The following TRPS1 variants were observed in gnomAD, a reference collection of about 807,000 sequenced individuals.
TRPS1 encodes transcriptional repressor GATA binding 1.
A neutral mutation model predicts 101.2 loss-of-function variants in TRPS1; 6 were observed. The ratio of observed to expected loss-of-function variants is 0.06; its 90% CI spans 0.03 to 0.12. TRPS1 has a LOEUF of 0.12. Among genes scored for constraint, TRPS1 ranks in the 10% least tolerant of loss-of-function variants. The pLI is 1.00. For missense variants in TRPS1, 1,363 were observed against 1,567.0 expected, an observed-to-expected ratio of 0.87 and a Z score of 2.20; for synonymous variants, 578 against 589.8, an observed-to-expected ratio of 0.98 and a Z score of 0.29.
At chr8:115,533,434 C>G (rs1323737282) in intron 5 of TRPS1, among the ~76,000 whole-genome samples, 1 of 32,348 alleles carries the variant, frequency 3.1e-5, no homozygotes, top group East Asian at 2.1e-3. Flanking sequence ...CACATGTAAT[C>G]TGTTTTTTTT....
chr8:115,507,148 A>G (rs1402148957), intron 5 of TRPS1, among the ~76,000 whole-genome samples: 2 of 152,086 alleles, frequency 1.3e-5, no homozygotes, highest in Non-Finnish European at 2.9e-5. Context: ...TCCAAGGTTG[A>G]GCTAAAGAAT....
chr8:115,439,802 T>C (rs540680759), intron 5 of TRPS1, among the ~76,000 whole-genome samples: 4 of 152,318 alleles, frequency 2.6e-5, no homozygotes, highest in African/African-American at 7.2e-5. Context: ...AGAAAATGAA[T>C]TGAATCAACA....
intron 6 of TRPS1, among the ~76,000 whole-genome samples, chr8:115,416,106 G>C (rs1812912956): frequency 6.6e-6 from 1 of 151,898 alleles, no homozygotes; most frequent in African/African-American, 2.4e-5. Context: ...CTAAATTCAT[G>C]TGTAGCTTTG....
At chr8:115,634,621 T>A (rs942446002) in intron 1 of TRPS1, among the ~76,000 whole-genome samples, 1 of 152,178 alleles carries the variant, frequency 6.6e-6, no homozygotes, top group Non-Finnish European at 1.5e-5. Flanking sequence ...CTGCTAAAGA[T>A]AACTTGTTTA....
At chr8:115,651,704 G>A (rs1444365351) in intron 1 of TRPS1, among the ~76,000 whole-genome samples, 1 of 152,190 alleles carries the variant, frequency 6.6e-6, no homozygotes, top group Non-Finnish European at 1.5e-5. Context: ...CGGAGGTAGA[G>A]CGTTTCAGGA....
intron 5 of TRPS1, among the ~76,000 whole-genome samples, chr8:115,555,868 C>CAAAA (rs11352416): frequency 6.7e-6 from 1 of 148,830 alleles, no homozygotes; most frequent in African/African-American, 2.5e-5. Flanking sequence ...AACAAACAAA[C>CAAAA]AAAAAAAAAA....
chr8:115,617,006 TGCAGC>T (rs1293174194), intron 3 of TRPS1, among the ~76,000 whole-genome samples: 2 of 152,214 alleles, frequency 1.3e-5, no homozygotes, highest in African/African-American at 2.4e-5. Context: ...GACATTTTTC[TGCAGC>T]AGTATCTGGC....
Position 115,668,718 on chromosome 8 carries a change from AGAGAG to A in TRPS1, c.-300_-296del, listed in dbSNP as rs1811996462. 1 of 13,786 alleles carries A rather than the reference AGAGAG, an allele frequency of 7.3e-5. No homozygotes were observed. 0.9% of individuals were successfully genotyped at this position (13,786 alleles called of 1,614,324 possible). On this transcript the variant is annotated 5_prime_UTR_variant, in exon 1 of 7. Transcript: ENST00000395715. Reference sequence around the variant, plus strand: ...TTCCCTCCCCCACCCTTATTAAAAAAGAGAGAGAGAGAGAGAGAGAGAGAAAGAGA... The same window carrying A: ...TTCCCTCCCCCACCCTTATTAAAAAAAGAGAGAGAGAGAGAGAGAAAGAGA...
intron 1 of TRPS1, among the ~76,000 whole-genome samples, chr8:115,635,063 C>G (rs1818737152): frequency 6.6e-6 from 1 of 152,118 alleles, no homozygotes; most frequent in South Asian, 2.1e-4. Flanking sequence ...GAAAAAACCA[C>G]ATGAAATACT....
intron 5 of TRPS1, among the ~76,000 whole-genome samples, chr8:115,504,271 A>G (rs1245438581): frequency 2.0e-5 from 3 of 152,190 alleles, no homozygotes; most frequent in African/African-American, 7.2e-5. Flanking sequence ...ACTAGGCACA[A>G]TGAGTCCAGA....
chr8:115,532,949 A>G (rs948200050), intron 5 of TRPS1, among the ~76,000 whole-genome samples: 1 of 152,176 alleles, frequency 6.6e-6, no homozygotes, highest in Non-Finnish European at 1.5e-5. Flanking sequence ...GATAGATTAG[A>G]GACAACAACC....
At chr8:115,628,070 T>C (rs1818550033) in intron 1 of TRPS1, among the ~76,000 whole-genome samples, 1 of 151,872 alleles carries the variant, frequency 6.6e-6, no homozygotes, top group South Asian at 2.1e-4. Context: ...ATACTCTGTA[T>C]GTGTGCATGT....
chr8:115,537,214 T>C lies in TRPS1; in HGVS notation c.2700+49787A>G, dbSNP rs537598179. ...ATATTCTTCCACTCTAAATCTTAGA[T>C]GTTGTGTTGTTTTTCTTTTTATAAA... On this transcript the variant is annotated intron_variant, in intron 5 of 6. Coordinates refer to ENST00000395715, the MANE Select transcript of TRPS1 (RefSeq NM_014112.5). Among the ~76,000 whole-genome samples the C allele has an allele frequency of 5.9e-5, 9 of 152,340 alleles. No individual in the cohort carries two copies. In the East Asian group the frequency reaches 1.7e-3, roughly 29 times the overall value.
chr8:115,498,651 T>C (rs1435309983), intron 5 of TRPS1, among the ~76,000 whole-genome samples: 4 of 151,756 alleles, frequency 2.6e-5, no homozygotes, highest in African/African-American at 4.8e-5. Context: ...CAAAATTTAA[T>C]GTATTTGAAA....
chr8:115,464,173 T>C (rs1028948947), intron 5 of TRPS1, among the ~76,000 whole-genome samples: 5 of 152,128 alleles, frequency 3.3e-5, no homozygotes, highest in African/African-American at 1.2e-4. Flanking sequence ...AGTGAAAGCC[T>C]AGTAATAGAG....
chr8:115,509,769 C>G (rs1815536168), intron 5 of TRPS1: 1 of 151,944 alleles, frequency 6.6e-6, no homozygotes, highest in South Asian at 2.1e-4. Flanking sequence ...CACTCAATAT[C>G]CAGTGTCTCA....
At chr8:115,586,068 T>C (rs1817554389) in intron 5 of TRPS1, among the ~76,000 whole-genome samples, 1 of 152,222 alleles carries the variant, frequency 6.6e-6, no homozygotes. Flanking sequence ...ACCTGGCTAA[T>C]GGAACTCTAT....
intron 5 of TRPS1, among the ~76,000 whole-genome samples, chr8:115,584,074 A>G (rs1817512834): frequency 6.6e-6 from 1 of 152,056 alleles, no homozygotes; most frequent in Non-Finnish European, 1.5e-5. Context: ...TGAAAGCAAC[A>G]TTTTAATTAT....
intron 5 of TRPS1, among the ~76,000 whole-genome samples, chr8:115,440,795 C>T (rs1189763786): frequency 6.6e-6 from 1 of 152,112 alleles, no homozygotes; most frequent in Non-Finnish European, 1.5e-5. Flanking sequence ...AACCACAATG[C>T]CTGAAAGTTA....
Sources: gnomAD v4.1 joint callset for allele counts (sites outside exome capture counted in the v4.1 genomes callset) on GRCh38, gnomAD v4.1.1 for gene constraint, MANE v1.5 for transcripts, NCBI Gene and HGNC (gene_info 2026-07-23, HGNC 2026-07-21) for gene names.